Variants in EXOC6 observed in about 807,000 individuals in gnomAD.
EXOC6 encodes the protein SEC15-like 1.
In EXOC6, 60 loss-of-function variants were observed where a neutral mutation model predicts 112.5. The observed-to-expected ratio is 0.53, with a 90% CI of 0.43 to 0.66. The LOEUF is 0.66. Ranked by LOEUF, EXOC6 falls within the 30% of genes least tolerant of loss-of-function variation. EXOC6 has a pLI of 0.00. For missense variants in EXOC6, 855 were observed against 957.1 expected, an observed-to-expected ratio of 0.89 and a Z score of 1.41; for synonymous variants, 295 against 308.0, an observed-to-expected ratio of 0.96 and a Z score of 0.44.
chr10:93,007,256 C>A (rs887079693), intron 19 of EXOC6, among the ~76,000 whole-genome samples: 3 of 149,836 alleles, frequency 2.0e-5, no homozygotes, highest in Non-Finnish European at 4.4e-5. Context: ...TGCATAGATC[C>A]TGAGGGGAAG....
intron 13 of EXOC6, among the ~76,000 whole-genome samples, chr10:92,941,664 A>G (rs1485584917): frequency 1.3e-5 from 2 of 152,220 alleles, no homozygotes; most frequent in East Asian, 3.8e-4. Context: ...TACAGCTTTT[A>G]AATTTTGTTT....
intron 19 of EXOC6, among the ~76,000 whole-genome samples, chr10:93,013,331 C>T (rs1371881507): frequency 1.3e-5 from 2 of 151,950 alleles, no homozygotes; most frequent in Admixed American, 1.3e-4. Flanking sequence ...ACTGGCCGAG[C>T]GTGGTGGCTC....
intron 7 of EXOC6, among the ~76,000 whole-genome samples, chr10:92,916,646 G>T (rs1394242882): frequency 2.6e-5 from 4 of 152,192 alleles, no homozygotes; most frequent in South Asian, 2.1e-4. Context: ...AAAACAATTT[G>T]CATAACAATC....
At chr10:92,946,504 A>G (rs1454626537) in intron 13 of EXOC6, among the ~76,000 whole-genome samples, 1 of 152,140 alleles carries the variant, frequency 6.6e-6, no homozygotes, top group African/African-American at 2.4e-5. Flanking sequence ...ATTATTCTTC[A>G]GTTTTTCTAA....
intron 20 of EXOC6, among the ~76,000 whole-genome samples, chr10:93,017,051 G>A (rs1040573375): frequency 7.9e-5 from 12 of 151,836 alleles, no homozygotes; most frequent in African/African-American, 2.9e-4. Context: ...CCTGACCTCA[G>A]GTGATTCACT....
intron 1 of EXOC6, among the ~76,000 whole-genome samples, chr10:92,875,326 G>A (rs1420020043): frequency 6.6e-6 from 1 of 151,930 alleles, no homozygotes; most frequent in Non-Finnish European, 1.5e-5. Flanking sequence ...TTTCCTCCAC[G>A]AAATTTTTCC....
At chr10:92,848,799 C>G (rs897616354) in intron 1 of EXOC6, among the ~76,000 whole-genome samples, 165 bp downstream of exon 1, 1 of 151,760 alleles carries the variant, frequency 6.6e-6, no homozygotes, top group Non-Finnish European at 1.5e-5. Context: ...TAGCCGGTAC[C>G]CGGGCGGGAC....
chr10:93,040,772 T>C (rs940682170), intron 20 of EXOC6, among the ~76,000 whole-genome samples: 2 of 152,232 alleles, frequency 1.3e-5, no homozygotes, highest in African/African-American at 4.8e-5. Flanking sequence ...ATTGGTTCTT[T>C]CTGCTGCATT....
intron 1 of EXOC6, among the ~76,000 whole-genome samples, chr10:92,880,246 A>C (rs565240462): frequency 6.6e-6 from 1 of 152,224 alleles, no homozygotes; most frequent in Non-Finnish European, 1.5e-5. Context: ...ATAATACCTA[A>C]TAACAATGTA....
chr10:92,876,885 A>G lies in EXOC6; in HGVS notation c.102-16464A>G, dbSNP rs138191504. ...AAACAAAACAATGCAATCCTTTCCT[A>G]CTTTCCCTTTTCATTCATATCCTCA... On this transcript the variant is annotated intron_variant, in intron 1 of 21. Transcript: ENST00000260762. Among the ~76,000 whole-genome samples the G allele has an allele frequency of 5.6e-3, 860 of 152,270 alleles. 6 individuals are homozygous for G. The highest frequency in any genetic ancestry group is 0.017 in the African/African-American group (711 of 41,550).
At chr10:93,052,899 C>T (rs907673471) in intron 20 of EXOC6, among the ~76,000 whole-genome samples, 8 of 152,170 alleles carry the variant, frequency 5.3e-5, no homozygotes, top group African/African-American at 1.7e-4. Context: ...CCAATAAATA[C>T]ACCTGTTGAG....
chr10:92,944,478 C>T (rs191128677), intron 13 of EXOC6, among the ~76,000 whole-genome samples: 71 of 152,200 alleles, frequency 4.7e-4, no homozygotes, highest in African/African-American at 1.5e-3. Context: ...TCAAGTGATC[C>T]GCCTGCCTTG....
Position 92,968,044 on chromosome 10 carries a change from T to C in EXOC6, c.1774-6009T>C, listed in dbSNP as rs148271373. Among the ~76,000 whole-genome samples the C allele has an allele frequency of 4.0e-3, 613 of 152,300 alleles. 6 individuals carry two copies. The highest frequency in any genetic ancestry group is 7.3e-3 in the Non-Finnish European group (494 of 68,020). ...AATGATGTCATTAAGGTGTGTTATC[T>C]TTAGTTCTGTAGGTCATAAGCATTT... On this transcript the variant is annotated intron_variant, in intron 17 of 21. Coordinates refer to ENST00000260762, the MANE Select transcript of EXOC6 (RefSeq NM_019053.6).
At chr10:92,897,330 A>G (rs147906439) in intron 4 of EXOC6, among the ~76,000 whole-genome samples, 41 of 152,306 alleles carry the variant, frequency 2.7e-4, no homozygotes, top group Middle Eastern at 6.8e-3. Flanking sequence ...TCCTCTATTC[A>G]TCTTTCTGTC....
intron 12 of EXOC6, among the ~76,000 whole-genome samples, chr10:92,937,134 G>T (rs1166795247): frequency 1.3e-5 from 2 of 152,096 alleles, no homozygotes; most frequent in African/African-American, 4.8e-5. Context: ...AGATAATAAA[G>T]AATTGATTGC....
At chr10:92,862,821 T>C (rs1176243444) in intron 1 of EXOC6, among the ~76,000 whole-genome samples, 4 of 152,248 alleles carry the variant, frequency 2.6e-5, no homozygotes, top group Admixed American at 2.6e-4. Context: ...GAGAATATGC[T>C]GCTATGAACA....
rs192827134 is a variant in EXOC6, at chr10:92,912,502, G to T, written c.663+2871G>T. On this transcript the variant is annotated intron_variant, in intron 6 of 21. Coordinates refer to ENST00000260762, the MANE Select transcript of EXOC6 (RefSeq NM_019053.6). ...CGGGGTAGGTTAGTGAGGGATTTAG[G>T]GTCATTTGATTATGAGGTGAGATGG... Among the ~76,000 whole-genome samples the T allele has an allele frequency of 6.7e-3, 1,026 of 152,138 alleles. 13 individuals carry two copies. Among genetic ancestry groups the T allele is most frequent in the African/African-American group, 0.023 (961 of 41,468 alleles).
chr10:93,049,439 A>G (rs1285933393), intron 20 of EXOC6, among the ~76,000 whole-genome samples: 1 of 152,228 alleles, frequency 6.6e-6, no homozygotes, highest in Non-Finnish European at 1.5e-5. Flanking sequence ...TAGTACATCC[A>G]TACAATATAT....
chr10:92,977,694 T>C (rs4917670), intron 18 of EXOC6, among the ~76,000 whole-genome samples: 38,777 of 150,292 alleles, frequency 0.26, 6,078 homozygotes, highest in East Asian at 0.73. Flanking sequence ...CACACACACA[T>C]ACACACACAC....
Sources: allele counts gnomAD v4.1 joint callset (sites outside exome capture counted in the v4.1 genomes callset), GRCh38; gene constraint gnomAD v4.1.1; transcripts MANE v1.5; gene names NCBI Gene and HGNC (gene_info 2026-07-23, HGNC 2026-07-21).